The following ELMOD3 variants were observed in gnomAD, a reference collection of about 807,000 sequenced individuals.
The protein encoded by ELMOD3 is ELMO domain containing 3, also known as ELMO domain-containing protein 3.
ELMOD3 carries 36 observed loss-of-function variants against 47.4 expected under a neutral mutation model. The observed-to-expected ratio is 0.76, with a 90% CI of 0.58 to 1.00. ELMOD3 has a LOEUF of 1.00. Ranked by LOEUF, ELMOD3 falls within the 50% of genes least tolerant of loss-of-function variation. The pLI is 0.00. For synonymous variants in ELMOD3, 149 were observed against 183.5 expected (o/e 0.81, Z 1.52); for missense variants, 404 against 463.8 (o/e 0.87, Z 1.18).
chr2:85,383,020 A>G (rs1685689878), intron 11 of ELMOD3, among the ~76,000 whole-genome samples: 1 of 149,774 alleles, frequency 6.7e-6, no homozygotes, highest in Admixed American at 6.6e-5. Context: ...CCTGCCTTCC[A>G]TTGTCATGGA....
chr2:85,359,871 C>T (rs901540434), intron 4 of ELMOD3, among the ~76,000 whole-genome samples: 1 of 152,030 alleles, frequency 6.6e-6, no homozygotes, highest in African/African-American at 2.4e-5. Flanking sequence ...GTCAAGGTGG[C>T]TTGAGCCCAG....
At position 85,391,568 on chromosome 2, in the gene ELMOD3, AT is replaced by A. The variant is rs1558725071; in HGVS notation, c.*608del. 1.3e-5 allele frequency: 2 copies of A among 153,100 alleles called. No individual in the cohort carries two copies. Among genetic ancestry groups the A allele is most frequent in the Non-Finnish European group, 2.9e-5 (2 of 68,508 alleles). The allele number at this position is 153,100 out of a possible 1,614,324, so 9.5% of individuals were successfully genotyped here. On this transcript the variant is annotated 3_prime_UTR_variant, in exon 14 of 14. Transcript: ENST00000409013. Reference sequence around the variant, plus strand: ...CTCTTCTCCCCCTGACCCCCGCTCCATTGTTTATGATGGAAAAACGGACATT... The same window carrying A: ...CTCTTCTCCCCCTGACCCCCGCTCCATGTTTATGATGGAAAAACGGACATT...
intron 10 of ELMOD3, among the ~76,000 whole-genome samples, chr2:85,375,737 G>A (rs1007902019): frequency 2.6e-5 from 4 of 152,320 alleles, no homozygotes; most frequent in Non-Finnish European, 5.9e-5. Context: ...TAGTTCAGAA[G>A]TCTGACTCAG....
intron 11 of ELMOD3, among the ~76,000 whole-genome samples, chr2:85,382,043 G>A (rs548381763): frequency 1.4e-5 from 2 of 147,488 alleles, no homozygotes; most frequent in Non-Finnish European, 3.0e-5. Context: ...CGTGAACCCA[G>A]GAGGTGGAGC....
At chr2:85,384,353 C>G (rs946118472) in intron 11 of ELMOD3, among the ~76,000 whole-genome samples, 1 of 152,218 alleles carries the variant, frequency 6.6e-6, no homozygotes, top group African/African-American at 2.4e-5. Flanking sequence ...GCTGTTTCAA[C>G]TCTCTGCCCT....
chr2:85,386,745 C>A (rs530543267), intron 11 of ELMOD3, among the ~76,000 whole-genome samples: 1 of 152,238 alleles, frequency 6.6e-6, no homozygotes, highest in African/African-American at 2.4e-5. Context: ...CCTGTAATCC[C>A]AGCACTTTGG....
intron 11 of ELMOD3, among the ~76,000 whole-genome samples, chr2:85,385,864 T>G (rs1246305945): frequency 6.6e-6 from 1 of 152,084 alleles, no homozygotes; most frequent in East Asian, 1.9e-4. Flanking sequence ...TGATGCTGGT[T>G]TGTCAATCTC....
At chr2:85,360,109 A>G (rs940778924) in intron 4 of ELMOD3, among the ~76,000 whole-genome samples, 12 of 151,926 alleles carry the variant, frequency 7.9e-5, no homozygotes, top group African/African-American at 2.9e-4. Flanking sequence ...AAAATACTCT[A>G]CTAAAAATTA....
chr2:85,389,738 C>T lies in ELMOD3; in HGVS notation c.739-13C>T. ...GCTGGAGTTGCTGCTGACTGGGTGC[C>T]CCTCCATTCCAGCAATTCCCTTTCT... is the stretch of plus-strand genomic sequence containing the variant. On this transcript the variant is annotated splice_polypyrimidine_tract_variant and intron_variant, in intron 11 of 13. Transcript: ENST00000409013. 6.2e-7 allele frequency: 1 copy of T among 1,613,312 alleles called. No individual in the cohort carries two copies. Among genetic ancestry groups the T allele is most frequent in the South Asian group, 1.1e-5 (1 of 91,054 alleles).
intron 4 of ELMOD3, among the ~76,000 whole-genome samples, chr2:85,359,292 AGGT>A (rs1289210734): frequency 2.6e-5 from 4 of 152,044 alleles, no homozygotes; most frequent in Non-Finnish European, 4.4e-5. Context: ...CAAGCTGTAG[AGGT>A]GGTAACAGTT....
In ELMOD3 at chr2:85,391,742, G is replaced by A. The variant is rs148711588; in HGVS notation, c.*780G>A. On this transcript the variant is annotated 3_prime_UTR_variant, in exon 14 of 14. Transcript: ENST00000409013. Reference sequence around the variant, plus strand: ...CCAGCAGTTTTCAAATAAAAGAATTGTTCTAATTAAGCGTCTCAGGTGTTT... The same window carrying A: ...CCAGCAGTTTTCAAATAAAAGAATTATTCTAATTAAGCGTCTCAGGTGTTT... 3.5e-4 allele frequency: 53 copies of A among 152,762 alleles called. No homozygotes were observed. The highest frequency in any genetic ancestry group is 1.2e-3 in the African/African-American group (49 of 41,566). The allele number at this position is 152,762 out of a possible 1,614,324, so 9.5% of individuals were successfully genotyped here. A position where few individuals can be genotyped will look rare whatever the true frequency, so the allele number is the denominator to read the frequency against.
intron 11 of ELMOD3, among the ~76,000 whole-genome samples, chr2:85,382,882 T>A (rs1685669689): frequency 6.7e-6 from 1 of 149,516 alleles, no homozygotes; most frequent in Non-Finnish European, 1.5e-5. Flanking sequence ...ACAAGACAAT[T>A]CAGTTACTTA....
At chr2:85,372,484 G>A (rs1156425967) in intron 10 of ELMOD3, 2 of 152,044 alleles carry the variant, frequency 1.3e-5, no homozygotes, top group Non-Finnish European at 2.9e-5. Flanking sequence ...GCATTTTTGG[G>A]TTTTTTCCTC....
At position 85,376,542 on chromosome 2, in the gene ELMOD3, G is replaced by A. The variant is rs72840088; in HGVS notation, c.608-802G>A. Among the ~76,000 whole-genome samples, 14,669 of 152,188 alleles carry A rather than the reference G, an allele frequency of 0.096. 753 individuals are homozygous for A. The highest frequency in any genetic ancestry group is 0.16 in the South Asian group (762 of 4,822). On this transcript the variant is annotated intron_variant, in intron 10 of 13. Transcript: ENST00000409013. The surrounding 1 kb of genome is among the most constrained non-coding windows in gnomAD (Gnocchi z 4.2). ...AGGCAAGGGGGCTCCTTACCACTGG[G>A]AAAGATAAAGTCCCAGCTCCCTGCC...
At chr2:85,368,538 C>G (rs1684562756) in intron 6 of ELMOD3, 148 bp from the exon 7 acceptor site, 2 of 654,022 alleles carry the variant, frequency 3.1e-6, no homozygotes, top group South Asian at 3.7e-5. Flanking sequence ...CTGTGAATAG[C>G]CACTGCACTC....
intron 11 of ELMOD3, among the ~76,000 whole-genome samples, chr2:85,378,647 G>A (rs1271214351): frequency 4.6e-5 from 7 of 152,174 alleles, no homozygotes; most frequent in African/African-American, 1.2e-4. Flanking sequence ...TGAGCAGAGG[G>A]GCAACTTTGA....
In ELMOD3 at chr2:85,362,265, G is replaced by T; in HGVS notation, c.129+5G>T. ...CTGGCTTTCAGAGGAATCCCTGTAT[G>T]TATCACCCACAACTTGGTACCTTCT... On this transcript the variant is annotated splice_donor_5th_base_variant and intron_variant, in intron 5 of 13. Transcript: ENST00000409013. 1 of 1,548,334 alleles carries T rather than the reference G, an allele frequency of 6.5e-7. No homozygotes were observed. The highest frequency in any genetic ancestry group is 2.2e-5 in the East Asian group (1 of 44,584).
At position 85,390,845 on chromosome 2, in the gene ELMOD3, C is replaced by A. The variant is rs116056110; in HGVS notation, c.1029C>A (p.Ala343=). The A allele has an allele frequency of 1.8e-3, 2,764 of 1,551,676 alleles. 56 individuals are homozygous for A. The African/African-American group carries it at 0.034, about 19-fold the overall frequency. ...TGGCCAGGGTGTCAAAGGGACAGGCCTCCTTGTTGGGAGCACAGAAGTGCT... is the reference window on the plus strand; with the variant it reads ...TGGCCAGGGTGTCAAAGGGACAGGCATCCTTGTTGGGAGCACAGAAGTGCT... ...LYLARVSKGQ[A]SLLGAQKCYG... is the part of the protein sequence containing the mutation. The change falls in exon 14 of 14, where the codon GCC becomes GCA. Residue 343 remains alanine (A), a synonymous_variant. Transcript: ENST00000409013.
intron 4 of ELMOD3, among the ~76,000 whole-genome samples, chr2:85,359,449 C>T (rs191526354): frequency 1.4e-5 from 2 of 146,480 alleles, no homozygotes; most frequent in Admixed American, 1.4e-4. Flanking sequence ...GCTCTGTTGC[C>T]CAGGCTGGAG....
Sources: gnomAD v4.1 joint callset for allele counts (sites outside exome capture counted in the v4.1 genomes callset) on GRCh38, gnomAD v4.1.1 for gene constraint, Gnocchi (gnomAD v3.1) non-coding constraint, MANE v1.5 for transcripts, NCBI Gene and HGNC (gene_info 2026-07-23, HGNC 2026-07-21) for gene names.